Variants in SLC36A1 observed in about 807,000 individuals in gnomAD.
The protein encoded by SLC36A1 is solute carrier family 36 member 1, also known as proton-coupled amino acid transporter 1.
A neutral mutation model predicts 47.5 loss-of-function variants in SLC36A1; 30 were observed. That is an observed-to-expected ratio of 0.63 (90% confidence interval 0.47 to 0.86). SLC36A1 has a LOEUF of 0.86. SLC36A1 is among the 40% of genes least tolerant of loss of function. The probability of loss-of-function intolerance (pLI) is 0.00; values close to 1 mark genes in which losing one functional copy is unlikely to be tolerated. For missense variants in SLC36A1, 517 were observed against 606.0 expected, an observed-to-expected ratio of 0.85 and a Z score of 1.54; for synonymous variants, 255 against 249.7, an observed-to-expected ratio of 1.02 and a Z score of -0.20.
chr5:151,471,965 A>G (rs1401324751), intron 7 of SLC36A1, among the ~76,000 whole-genome samples: 1 of 152,210 alleles, frequency 6.6e-6, no homozygotes, highest in Non-Finnish European at 1.5e-5. Context: ...GTAAAAAGAC[A>G]GCAGCTTTGA....
At chr5:151,454,736 G>C (rs1258605428) in intron 1 of SLC36A1, among the ~76,000 whole-genome samples, 1 of 120,552 alleles carries the variant, frequency 8.3e-6, no homozygotes, top group African/African-American at 3.3e-5. Context: ...TTTTTGAGAC[G>C]GAGTCTCGCT....
At chr5:151,543,781 G>A in the SLC36A1 span, 4 of 1,614,086 alleles carry the variant, frequency 2.5e-6, no homozygotes, top group Admixed American at 3.3e-5. Context: ...CAAATTGTAA[G>A]AAGAGTCCAG....
the SLC36A1 span, chr5:151,419,755 T>C: frequency 4.7e-5 from 7 of 147,820 alleles, no homozygotes; most frequent in Non-Finnish European, 1.0e-4. Flanking sequence ...AACAACTCTT[T>C]AGGATATCTG....
intron 10 of SLC36A1, among the ~76,000 whole-genome samples, chr5:151,485,862 A>C (rs1759445880): frequency 6.6e-6 from 1 of 152,206 alleles, no homozygotes; most frequent in Non-Finnish European, 1.5e-5. Context: ...GTGGTTGTTG[A>C]GCCTTTGAAA....
At chr5:151,525,672 T>C in the SLC36A1 span, 1 of 1,397,798 alleles carries the variant, frequency 7.2e-7, no homozygotes, top group Non-Finnish European at 1.0e-6. Flanking sequence ...AAGTGCTTTG[T>C]ACATTTTTTC....
At chr5:151,517,302 G>T in the SLC36A1 span, among the ~76,000 whole-genome samples, 5 of 152,264 alleles carry the variant, frequency 3.3e-5, no homozygotes, top group Admixed American at 1.3e-4. Context: ...CCCATCCCTG[G>T]GAAACACTGG....
At chr5:151,400,420 A>T in the SLC36A1 span, among the ~76,000 whole-genome samples, 1 of 152,200 alleles carries the variant, frequency 6.6e-6, no homozygotes, top group African/African-American at 2.4e-5. Flanking sequence ...ATGGACATCT[A>T]GGTTGATTTC....
chr5:151,545,542 A>T, the SLC36A1 span: 1 of 1,614,202 alleles, frequency 6.2e-7, no homozygotes. Flanking sequence ...CACATCTCTG[A>T]CATGAATGAT....
chr5:151,363,392 G>A, the SLC36A1 span, among the ~76,000 whole-genome samples: 6 of 152,172 alleles, frequency 3.9e-5, no homozygotes, highest in Non-Finnish European at 8.8e-5. Context: ...ATGGAAATCT[G>A]ATTGTCTTAC....
chr5:151,411,804 GAAACC>G, the SLC36A1 span, among the ~76,000 whole-genome samples: 3 of 144,216 alleles, frequency 2.1e-5, no homozygotes, highest in South Asian at 2.6e-4. Flanking sequence ...CCTGCTTGTT[GAAACC>G]AAACCAAACC....
intron 3 of SLC36A1, among the ~76,000 whole-genome samples, chr5:151,464,251 A>G (rs1171220020): frequency 1.3e-5 from 2 of 152,164 alleles, no homozygotes; most frequent in Non-Finnish European, 2.9e-5. Flanking sequence ...GCTGATGTGC[A>G]CCAGTCTTGG....
the SLC36A1 span, among the ~76,000 whole-genome samples, chr5:151,501,700 T>C: frequency 1.3e-5 from 2 of 148,526 alleles, no homozygotes; most frequent in Non-Finnish European, 2.9e-5. Flanking sequence ...ATTTACTATC[T>C]TCATTTTACT....
chr5:151,537,723 A>G, the SLC36A1 span: 24 of 1,449,918 alleles, frequency 1.7e-5, no homozygotes, highest in East Asian at 2.3e-5. Context: ...CAAGGAGAAT[A>G]CCATGGCACT....
chr5:151,449,484 G>A (rs1413508999), intron 1 of SLC36A1, among the ~76,000 whole-genome samples: 1 of 152,184 alleles, frequency 6.6e-6, no homozygotes, highest in Admixed American at 6.5e-5. Flanking sequence ...TGATTGTATC[G>A]TTTATATTCG....
the SLC36A1 span, chr5:151,506,223 T>G: frequency 1.0e-6 from 1 of 995,088 alleles, no homozygotes; most frequent in East Asian, 2.8e-5. Context: ...GGCCCATCTG[T>G]GCAGGTTGTC....
the SLC36A1 span, among the ~76,000 whole-genome samples, chr5:151,541,897 G>A: frequency 2.0e-5 from 3 of 151,962 alleles, no homozygotes; most frequent in East Asian, 5.8e-4. Context: ...CTTTACCTGG[G>A]TAGGACACTC....
At chr5:151,429,990 T>C in the SLC36A1 span, among the ~76,000 whole-genome samples, 1 of 152,160 alleles carries the variant, frequency 6.6e-6, no homozygotes, top group Non-Finnish European at 1.5e-5. Context: ...ATTTAAGAGA[T>C]TGATATAGAA....
the SLC36A1 span, among the ~76,000 whole-genome samples, chr5:151,347,957 C>T: frequency 6.6e-6 from 1 of 152,250 alleles, no homozygotes; most frequent in East Asian, 1.9e-4. Context: ...TCAAGGTTTT[C>T]AACCAGTAAC....
chr5:151,521,748 G>T, the SLC36A1 span: 2 of 1,614,028 alleles, frequency 1.2e-6, no homozygotes, highest in Non-Finnish European at 1.7e-6. Context: ...CGTACACATG[G>T]ACCCCAGCAG....
Sources: gnomAD v4.1 joint callset for allele counts (sites outside exome capture counted in the v4.1 genomes callset) on GRCh38, gnomAD v4.1.1 for gene constraint, MANE v1.5 for transcripts, NCBI Gene and HGNC (gene_info 2026-07-23, HGNC 2026-07-21) for gene names.